RGS5: variants seen among roughly 807,000 people sequenced by gnomAD.
RGS5 encodes the protein regulator of G-protein signalling 5.
A neutral mutation model predicts 18.9 loss-of-function variants in RGS5; 20 were observed. The ratio of observed to expected loss-of-function variants is 1.06; its 90% CI spans 0.74 to 1.54. The LOEUF (loss-of-function observed/expected upper bound fraction) is 1.54, where lower values mean the gene tolerates loss of function less well. Among genes scored for constraint, RGS5 ranks in the 40% most tolerant of loss-of-function variants. The pLI is 0.00. For missense variants in RGS5, 201 were observed against 211.8 expected, an observed-to-expected ratio of 0.95 and a Z score of 0.32; for synonymous variants, 57 against 76.2, an observed-to-expected ratio of 0.75 and a Z score of 1.31.
intron 2 of RGS5, among the ~76,000 whole-genome samples, chr1:163,238,199 C>G (rs1647680728): frequency 6.6e-6 from 1 of 152,162 alleles, no homozygotes; most frequent in Non-Finnish European, 1.5e-5. Context: ...ATAAAATACT[C>G]TTACTAATTA....
At chr1:163,264,578 C>T (rs1648530329) in intron 2 of RGS5, among the ~76,000 whole-genome samples, 1 of 152,188 alleles carries the variant, frequency 6.6e-6, no homozygotes, top group African/African-American at 2.4e-5. Context: ...GTATCATGCA[C>T]ATGCATGACT....
chr1:163,187,326 C>T (rs1482847465), intron 1 of RGS5, among the ~76,000 whole-genome samples: 1 of 152,144 alleles, frequency 6.6e-6, no homozygotes. Flanking sequence ...GGCTATGGCC[C>T]CCTAGTCACA....
At chr1:163,192,305 T>C (rs1659392023) in intron 1 of RGS5, among the ~76,000 whole-genome samples, 1 of 152,006 alleles carries the variant, frequency 6.6e-6, no homozygotes, top group Non-Finnish European at 1.5e-5. Flanking sequence ...TCCAAGTAGA[T>C]AGTGTCAGAG....
At chr1:163,232,041 C>A (rs1235959930) in intron 2 of RGS5, among the ~76,000 whole-genome samples, 1 of 151,448 alleles carries the variant, frequency 6.6e-6, no homozygotes. Flanking sequence ...TAATTGTATA[C>A]CCTTGGGTGA....
chr1:163,311,199 C>T (rs987811553), intron 1 of RGS5, among the ~76,000 whole-genome samples: 2 of 152,208 alleles, frequency 1.3e-5, no homozygotes, highest in Non-Finnish European at 2.9e-5. Context: ...CTTCTTCCTC[C>T]TGTCTGTCAG....
intron 1 of RGS5, among the ~76,000 whole-genome samples, chr1:163,195,993 C>T (rs1659550072): frequency 6.6e-6 from 1 of 152,152 alleles, no homozygotes; most frequent in East Asian, 1.9e-4. Context: ...CGCCACACTG[C>T]AATTCAAGCG....
chr1:163,251,835 C>T (rs1418544540), intron 2 of RGS5, among the ~76,000 whole-genome samples: 7 of 152,124 alleles, frequency 4.6e-5, no homozygotes, highest in African/African-American at 1.7e-4. Context: ...ATCCATGTTG[C>T]TACATGTATC....
chr1:163,210,519 G>T (rs1660080170), intron 1 of RGS5, among the ~76,000 whole-genome samples: 1 of 152,094 alleles, frequency 6.6e-6, no homozygotes, highest in African/African-American at 2.4e-5. Context: ...GAATATAGGG[G>T]TTAAGAGTAC....
At chr1:163,175,481 G>A (rs937188920) in intron 1 of RGS5, among the ~76,000 whole-genome samples, 20 of 152,268 alleles carry the variant, frequency 1.3e-4, no homozygotes, top group African/African-American at 4.8e-4. Context: ...ATAAGAATAT[G>A]CTAGTGGAAA....
At chr1:163,279,467 G>C (rs7551273) in intron 2 of RGS5, among the ~76,000 whole-genome samples, 28,780 of 151,708 alleles carry the variant, frequency 0.19, 2,792 homozygotes, top group Middle Eastern at 0.26. Context: ...AAAATGTATT[G>C]AAACAAATGA....
chr1:163,221,254 T>G (rs1260790553), upstream of RGS5, among the ~76,000 whole-genome samples: 1 of 152,148 alleles, frequency 6.6e-6, no homozygotes, highest in Non-Finnish European at 1.5e-5. Context: ...TCCCAACAGT[T>G]TGAGAGGCCA....
At chr1:163,172,677 A>C (rs180973230) in intron 1 of RGS5, 23 of 1,422,354 alleles carry the variant, frequency 1.6e-5, no homozygotes, top group Middle Eastern at 1.8e-4. Flanking sequence ...GTATAGGCTC[A>C]AGTATAGAGC....
chr1:163,186,089 T>G (rs1659058502), intron 1 of RGS5, among the ~76,000 whole-genome samples: 1 of 102,378 alleles, frequency 9.8e-6, no homozygotes, highest in African/African-American at 3.4e-5. Context: ...TTTTTTTTTT[T>G]GACATAGAGT....
At chr1:163,254,389 C>T (rs1431106512) in intron 2 of RGS5, among the ~76,000 whole-genome samples, 4 of 152,078 alleles carry the variant, frequency 2.6e-5, no homozygotes, top group Non-Finnish European at 5.9e-5. Context: ...ATTTGCATTT[C>T]TCTGATGGCC....
At chr1:163,310,574 C>CA (rs36115669) in intron 1 of RGS5, among the ~76,000 whole-genome samples, 742 of 62,572 alleles carry the variant, frequency 0.012, 3 homozygotes, top group East Asian at 0.044. Flanking sequence ...GACTCCGTCT[C>CA]AAAAAAAAAA....
chr1:163,319,843 T>C (rs1348871726), intron 1 of RGS5, among the ~76,000 whole-genome samples: 3 of 152,218 alleles, frequency 2.0e-5, no homozygotes. Context: ...TGTGTTTTTA[T>C]GGGTGATAAC....
chr1:163,307,113 C>G (rs12754910), intron 1 of RGS5, among the ~76,000 whole-genome samples: 32,375 of 152,054 alleles, frequency 0.21, 3,690 homozygotes, highest in African/African-American at 0.3. Flanking sequence ...GAGGTGAGGG[C>G]TGAAACAGAG....
intron 2 of RGS5, among the ~76,000 whole-genome samples, chr1:163,278,258 G>GAGAAA (rs1186515680): frequency 6.6e-6 from 1 of 152,040 alleles, no homozygotes; most frequent in Non-Finnish European, 1.5e-5. Flanking sequence ...AAAACAGCAA[G>GAGAAA]AGAAAAGCAT....
At chr1:163,234,927 CA>C (rs1177552437) in intron 2 of RGS5, among the ~76,000 whole-genome samples, 1 of 152,142 alleles carries the variant, frequency 6.6e-6, no homozygotes, top group Non-Finnish European at 1.5e-5. Flanking sequence ...GAAACTGTTC[CA>C]AAAGATTGGA....
Sources: allele counts gnomAD v4.1 joint callset (sites outside exome capture counted in the v4.1 genomes callset), GRCh38; gene constraint gnomAD v4.1.1; transcripts MANE v1.5; gene names NCBI Gene and HGNC (gene_info 2026-07-23, HGNC 2026-07-21).